The following PSMB7 variants were observed in gnomAD, a reference collection of about 807,000 sequenced individuals.
PSMB7 encodes the protein proteasome 20S subunit beta 7.
PSMB7 carries 5 observed loss-of-function variants against 28.1 expected under a neutral mutation model. The ratio of observed to expected loss-of-function variants is 0.18; its 90% CI spans 0.09 to 0.37. PSMB7 has a LOEUF of 0.37. PSMB7 is among the 10% of genes least tolerant of loss of function. PSMB7 has a pLI of 1.00. For synonymous variants in PSMB7, 122 were observed against 123.7 expected (o/e 0.99, Z 0.09); for missense variants, 275 against 346.2 (o/e 0.79, Z 1.63).
intron 5 of PSMB7, among the ~76,000 whole-genome samples, chr9:124,401,936 T>C (rs1830912597): frequency 1.3e-5 from 2 of 151,796 alleles, no homozygotes; most frequent in South Asian, 2.1e-4. Flanking sequence ...GGAGAATCAC[T>C]TGAACCCGGG....
At chr9:124,372,522 T>C (rs2131151807) in intron 6 of PSMB7, among the ~76,000 whole-genome samples, 1 of 152,328 alleles carries the variant, frequency 6.6e-6, no homozygotes, top group Middle Eastern at 3.4e-3. Context: ...CCAAGAAGGA[T>C]CCATTCCAAG....
At chr9:124,360,347 TC>T (rs1830453968) in intron 6 of PSMB7, among the ~76,000 whole-genome samples, 1 of 152,182 alleles carries the variant, frequency 6.6e-6, no homozygotes, top group African/African-American at 2.4e-5. Context: ...AAACTGCACC[TC>T]CCTTTTCTGG....
In PSMB7 at chr9:124,414,013, A is replaced by T; in HGVS notation, c.157-8T>A. The T allele has an allele frequency of 6.3e-7, 1 of 1,596,372 alleles. No individual in the cohort carries two copies. The highest frequency in any genetic ancestry group is 1.1e-5 in the South Asian group (1 of 89,134). On this transcript the variant is annotated splice_region_variant and splice_polypyrimidine_tract_variant and intron_variant, in intron 2 of 7. Coordinates refer to ENST00000259457, the MANE Select transcript of PSMB7 (RefSeq NM_002799.4). ...TCCAAGAACTATGCCATCCTATTAA[A>T]AAAAAAAGTTTTTAAACAATTTTAC...
intron 5 of PSMB7, among the ~76,000 whole-genome samples, chr9:124,394,895 CCGCAA>C (rs1830825446): frequency 6.6e-6 from 1 of 152,154 alleles, no homozygotes; most frequent in South Asian, 2.1e-4. Flanking sequence ...TGGCACTCCA[CCGCAA>C]CATAATTTTA....
Position 124,405,451 on chromosome 9 carries a change from A to G in PSMB7, c.396-19T>C, listed in dbSNP as rs1417825806. On this transcript the variant is annotated intron_variant, in intron 4 of 7. Coordinates refer to ENST00000259457, the MANE Select transcript of PSMB7 (RefSeq NM_002799.4). ...TTGATACCTGGTGATCAGAGTATGC[A>G]TAAGAAAAAAAACATGAGTCCACAA... The G allele has an allele frequency of 6.6e-7, 1 of 1,526,004 alleles. No individual in the cohort carries two copies. Among genetic ancestry groups the G allele is most frequent in the South Asian group, 1.1e-5 (1 of 87,264 alleles). The allele number at this position is 1,526,004 out of a possible 1,614,324, so 94.5% of individuals were successfully genotyped here. A position where few individuals can be genotyped will look rare whatever the true frequency, so the allele number is the denominator to read the frequency against.
chr9:124,401,051 T>C (rs949811183), intron 5 of PSMB7, among the ~76,000 whole-genome samples: 3 of 152,234 alleles, frequency 2.0e-5, no homozygotes, highest in African/African-American at 4.8e-5. Flanking sequence ...TTGTGTGTTT[T>C]TTTTAAAGGG....
At chr9:124,375,524 T>C (rs10818952) in intron 6 of PSMB7, among the ~76,000 whole-genome samples, 45,531 of 151,564 alleles carry the variant, frequency 0.3, 8,363 homozygotes, top group Non-Finnish European at 0.41. Context: ...TACACATTTT[T>C]CCCCCCAGAC....
chr9:124,368,113 A>G (rs1482489133), intron 6 of PSMB7, among the ~76,000 whole-genome samples: 2 of 152,204 alleles, frequency 1.3e-5, no homozygotes, highest in African/African-American at 2.4e-5. Context: ...CTTTCACCAA[A>G]AATTATATTC....
chr9:124,374,258 A>G (rs1830588181), intron 6 of PSMB7, among the ~76,000 whole-genome samples: 2 of 152,200 alleles, frequency 1.3e-5, no homozygotes, highest in South Asian at 2.1e-4. Flanking sequence ...GTGATGGCCA[A>G]TAAGAATGGA....
chr9:124,392,679 G>T (rs75995972), intron 5 of PSMB7, among the ~76,000 whole-genome samples: 3 of 152,280 alleles, frequency 2.0e-5, no homozygotes, highest in African/African-American at 7.2e-5. Flanking sequence ...CTCTCAGCAA[G>T]TCCCAGGGTT....
intron 1 of PSMB7, 77 bp downstream of exon 1, chr9:124,415,287 A>G: frequency 6.9e-7 from 1 of 1,445,548 alleles, no homozygotes; most frequent in South Asian, 1.1e-5. Flanking sequence ...GAATTCTCGT[A>G]TCACACCTTG....
chr9:124,386,205 GGAGA>G (rs1246493247), intron 5 of PSMB7, among the ~76,000 whole-genome samples: 2 of 148,370 alleles, frequency 1.3e-5, no homozygotes, highest in East Asian at 3.9e-4. Context: ...CCTCTGAAAA[GGAGA>G]TAGAAATTAA....
chr9:124,370,863 G>A (rs1830555517), intron 6 of PSMB7, among the ~76,000 whole-genome samples: 2 of 151,958 alleles, frequency 1.3e-5, no homozygotes, highest in Non-Finnish European at 2.9e-5. Flanking sequence ...TTAAATATTT[G>A]GCCCCAAATA....
At chr9:124,381,083 C>T (rs1045843572) in intron 6 of PSMB7, among the ~76,000 whole-genome samples, 7 of 152,146 alleles carry the variant, frequency 4.6e-5, no homozygotes, top group African/African-American at 7.2e-5. Context: ...ACCTGGTGTG[C>T]GTTTTCCACT....
chr9:124,377,489 C>CA (rs934415741), intron 6 of PSMB7, among the ~76,000 whole-genome samples: 20 of 151,820 alleles, frequency 1.3e-4, no homozygotes, highest in East Asian at 5.8e-4. Flanking sequence ...ACTGGACTTA[C>CA]AAAAAAAACA....
chr9:124,408,387 G>A (rs1019285613), intron 4 of PSMB7, among the ~76,000 whole-genome samples: 1 of 152,072 alleles, frequency 6.6e-6, no homozygotes, highest in South Asian at 2.1e-4. Context: ...CCAAAGGTTC[G>A]TAGAATACCT....
chr9:124,406,179 G>C (rs995838594), intron 4 of PSMB7, among the ~76,000 whole-genome samples: 15 of 152,190 alleles, frequency 9.9e-5, no homozygotes, highest in African/African-American at 3.4e-4. Flanking sequence ...GAGGTGCTAA[G>C]CTCAGCTGTT....
intron 5 of PSMB7, among the ~76,000 whole-genome samples, chr9:124,391,873 A>G (rs778997680): frequency 1.3e-5 from 2 of 152,234 alleles, no homozygotes; most frequent in Admixed American, 6.5e-5. Context: ...ATACTCAACA[A>G]ACTTAGCAAT....
At chr9:124,412,168 C>A (rs987780002) in intron 4 of PSMB7, among the ~76,000 whole-genome samples, 184 bp downstream of exon 4, 8 of 152,128 alleles carry the variant, frequency 5.3e-5, no homozygotes, top group Admixed American at 5.2e-4. Flanking sequence ...AAAAATCAGG[C>A]CCCAGAAATT....
Sources: gnomAD v4.1 joint callset for allele counts (sites outside exome capture counted in the v4.1 genomes callset) on GRCh38, gnomAD v4.1.1 for gene constraint, MANE v1.5 for transcripts, NCBI Gene and HGNC (gene_info 2026-07-23, HGNC 2026-07-21) for gene names.